Variants in ERC2 observed in about 807,000 individuals in gnomAD.
ERC2 encodes the protein ERC protein 2.
In ERC2, 42 loss-of-function variants were observed where a neutral mutation model predicts 114.8. The ratio of observed to expected loss-of-function variants is 0.37; its 90% confidence interval spans 0.29 to 0.47. The LOEUF (loss-of-function observed/expected upper bound fraction) is 0.47, where lower values mean the gene tolerates loss of function less well. ERC2 is among the 20% of genes least tolerant of loss of function. The pLI, the probability that ERC2 is intolerant of heterozygous loss-of-function variation, is 0.99. For missense variants in ERC2, 939 were observed against 1,150.7 expected, an observed-to-expected ratio of 0.82 and a Z score of 2.66; for synonymous variants, 454 against 425.5, an observed-to-expected ratio of 1.07 and a Z score of -0.82.
chr3:56,298,497 T>C, intron 2 of ERC2, among the ~76,000 whole-genome samples: 1 of 152,124 alleles, frequency 6.6e-6, no homozygotes, highest in East Asian at 1.9e-4. Context: ...ATGGATGAAA[T>C]CTAGTATATC....
chr3:56,322,221 A>G (rs1280360517), intron 2 of ERC2, among the ~76,000 whole-genome samples: 1 of 152,232 alleles, frequency 6.6e-6, no homozygotes, highest in Non-Finnish European at 1.5e-5. Context: ...TTATCAAATA[A>G]TAGCTATCCT....
intron 14 of ERC2, among the ~76,000 whole-genome samples, chr3:55,810,163 C>T (rs2059659364): frequency 6.6e-6 from 1 of 152,138 alleles, no homozygotes; most frequent in Non-Finnish European, 1.5e-5. Flanking sequence ...AATATCCCTG[C>T]TCCTTTTTTT....
intron 3 of ERC2, among the ~76,000 whole-genome samples, chr3:56,262,175 T>A (rs187386423): frequency 2.3e-4 from 35 of 152,330 alleles, no homozygotes; most frequent in Non-Finnish European, 1.5e-5. Context: ...TTCTTTGAAC[T>A]ATTTTGTAGA....
chr3:55,920,446 A>ACCCCCCCC (rs1553734038), intron 13 of ERC2, among the ~76,000 whole-genome samples: 1 of 145,446 alleles, frequency 6.9e-6, no homozygotes, highest in African/African-American at 2.6e-5. Context: ...ACACACACAC[A>ACCCCCCCC]CCCCAAGTGA....
chr3:55,971,884 C>T (rs1223131733), intron 12 of ERC2, among the ~76,000 whole-genome samples: 1 of 152,176 alleles, frequency 6.6e-6, no homozygotes. Context: ...AGTGAGTCTT[C>T]CATATTCCCA....
At chr3:56,136,281 T>C (rs776727582) in intron 6 of ERC2, among the ~76,000 whole-genome samples, 17 of 152,152 alleles carry the variant, frequency 1.1e-4, no homozygotes, top group Non-Finnish European at 2.1e-4. Context: ...CCAAAGCCAG[T>C]TGATGGCACA....
chr3:55,910,462 G>A (rs185184853), intron 13 of ERC2, among the ~76,000 whole-genome samples: 128 of 152,162 alleles, frequency 8.4e-4, no homozygotes, highest in South Asian at 4.1e-4. Flanking sequence ...ACATTAATGT[G>A]TGTATATATG....
At chr3:55,895,163 C>T (rs2063784689) in intron 13 of ERC2, among the ~76,000 whole-genome samples, 1 of 152,188 alleles carries the variant, frequency 6.6e-6, no homozygotes, top group Admixed American at 6.5e-5. Flanking sequence ...CAATCTTAAC[C>T]CAATGTTTCC....
chr3:55,533,228 A>T (rs2053778615), intron 17 of ERC2, among the ~76,000 whole-genome samples: 1 of 152,260 alleles, frequency 6.6e-6, no homozygotes, highest in South Asian at 2.1e-4. Context: ...GCTGTGGCAG[A>T]GGCCTCCTGG....
intron 7 of ERC2, among the ~76,000 whole-genome samples, chr3:56,022,440 T>G (rs1022436987): frequency 6.6e-6 from 1 of 152,154 alleles, no homozygotes; most frequent in Admixed American, 6.5e-5. Context: ...ACAATAAGTT[T>G]TTGCTTTTTA....
intron 15 of ERC2, among the ~76,000 whole-genome samples, chr3:55,720,963 A>G (rs2064512324): frequency 6.6e-6 from 1 of 152,244 alleles, no homozygotes; most frequent in African/African-American, 2.4e-5. Context: ...TAGGTAGGAA[A>G]CAATGTACCC....
At chr3:55,656,884 C>T (rs1311183518) in intron 17 of ERC2, among the ~76,000 whole-genome samples, 3 of 152,124 alleles carry the variant, frequency 2.0e-5, no homozygotes, top group East Asian at 3.9e-4. Flanking sequence ...GAAGGGGTCA[C>T]GATGAAGAGA....
intron 17 of ERC2, among the ~76,000 whole-genome samples, chr3:55,619,541 G>A (rs2059248300): frequency 6.6e-6 from 1 of 152,132 alleles, no homozygotes; most frequent in Admixed American, 6.5e-5. Context: ...GAGATGCAAG[G>A]TTTAAGGGTA....
At chr3:56,132,512 TA>T (rs372633503) in intron 6 of ERC2, among the ~76,000 whole-genome samples, 1 of 152,148 alleles carries the variant, frequency 6.6e-6, no homozygotes, top group African/African-American at 2.4e-5. Context: ...CTGCTTCTGT[TA>T]AAAATTCATT....
At chr3:55,543,699 T>C (rs972626592) in intron 17 of ERC2, among the ~76,000 whole-genome samples, 1 of 152,192 alleles carries the variant, frequency 6.6e-6, no homozygotes, top group African/African-American at 2.4e-5. Context: ...ACCCAGTCCA[T>C]AGGATCTGGA....
At chr3:55,893,188 G>A (rs1223701110) in intron 13 of ERC2, among the ~76,000 whole-genome samples, 1 of 152,102 alleles carries the variant, frequency 6.6e-6, no homozygotes, top group African/African-American at 2.4e-5. Context: ...TTATGTATAA[G>A]CCACCTACTG....
Position 55,565,098 on chromosome 3 carries a change from C to A in ERC2, c.*40-53822G>T, listed in dbSNP as rs76028257. Among the ~76,000 whole-genome samples the A allele has an allele frequency of 5.3e-5, 8 of 152,266 alleles. No individual in the cohort carries two copies. In the East Asian group the frequency reaches 1.5e-3, roughly 29 times the overall value. The stretch of plus-strand genomic sequence containing the variant: ...GCAGCAGGTTAAAGGAACCTGGGAC[C>A]CTGATGACATTGTAACACCCATCAC... On this transcript the variant is annotated intron_variant, in intron 17 of 17. Transcript: ENST00000288221.
At chr3:55,618,000 A>G (rs1220292532) in intron 17 of ERC2, among the ~76,000 whole-genome samples, 1 of 151,978 alleles carries the variant, frequency 6.6e-6, no homozygotes. Flanking sequence ...TTTTAGATAG[A>G]GCATTATACT....
rs1553786849 is a variant in ERC2, at chr3:56,040,580, C to CATATACATGTATATGTAT, written c.1642-21550_1642-21549insATACATATACATGTATAT. On this transcript the variant is annotated intron_variant, in intron 7 of 17. Transcript: ENST00000288221. Reference sequence around the variant, plus strand: ...GTATATAGAGATGTATATATGTATACATATACATATATATCTATATATGTA... The same window carrying CATATACATGTATATGTAT: ...GTATATAGAGATGTATATATGTATACATATACATGTATATGTATATATACATATATATCTATATATGTA... Among the ~76,000 whole-genome samples the CATATACATGTATATGTAT allele has an allele frequency of 1.1e-4, 8 of 74,582 alleles. 1 individual carries two copies. Among genetic ancestry groups the CATATACATGTATATGTAT allele is most frequent in the East Asian group, 6.1e-4 (1 of 1,628 alleles). The allele number at this position is 74,582 out of a possible 152,430, so 48.9% of individuals were successfully genotyped here.
Sources: allele counts gnomAD v4.1 joint callset (sites outside exome capture counted in the v4.1 genomes callset), GRCh38; gene constraint gnomAD v4.1.1; transcripts MANE v1.5; gene names NCBI Gene and HGNC (gene_info 2026-07-23, HGNC 2026-07-21).